The following PTPRD variants were observed in gnomAD, a reference collection of about 807,000 sequenced individuals.
The protein encoded by PTPRD is protein tyrosine phosphatase receptor type D.
Under a neutral mutation model 214.5 loss-of-function variants are expected in PTPRD, and 34 were observed. The ratio of observed to expected loss-of-function variants is 0.16; its 90% confidence interval spans 0.12 to 0.21. The LOEUF (loss-of-function observed/expected upper bound fraction) is 0.21, where lower values mean the gene tolerates loss of function less well. Ranked by LOEUF, PTPRD falls within the 10% of genes least tolerant of loss-of-function variation. PTPRD has a pLI of 1.00. For synonymous variants in PTPRD, 1,128 were observed against 845.7 expected (o/e 1.33, Z -5.79); for missense variants, 2,545 against 2,398.7 (o/e 1.06, Z -1.27).
chr9:9,406,041 G>A (rs939130519), intron 8 of PTPRD, among the ~76,000 whole-genome samples: 1 of 151,886 alleles, frequency 6.6e-6, no homozygotes, highest in African/African-American at 2.4e-5. Flanking sequence ...CTTTGGTTTG[G>A]AATATGAAGG....
At chr9:8,617,704 T>C (rs1415351320) in intron 14 of PTPRD, among the ~76,000 whole-genome samples, 2 of 152,082 alleles carry the variant, frequency 1.3e-5, no homozygotes, top group Non-Finnish European at 2.9e-5. Context: ...AGTCTAAAAA[T>C]CCTTAAAATG....
intron 5 of PTPRD, among the ~76,000 whole-genome samples, chr9:9,803,978 G>C (rs2099057832): frequency 6.6e-6 from 1 of 151,914 alleles, no homozygotes; most frequent in South Asian, 2.1e-4. Flanking sequence ...TCTCTTACTG[G>C]AGCAATGGAA....
chr9:8,520,330 A>G (rs1162582638), intron 20 of PTPRD, among the ~76,000 whole-genome samples: 1 of 152,140 alleles, frequency 6.6e-6, no homozygotes. Context: ...TTAGTTTTAT[A>G]TAGCATATAT....
At chr9:10,470,101 C>T (rs2099020653) in intron 2 of PTPRD, among the ~76,000 whole-genome samples, 1 of 151,958 alleles carries the variant, frequency 6.6e-6, no homozygotes, top group Admixed American at 6.6e-5. Context: ...TTGTATATTT[C>T]AGTAACTAGA....
intron 9 of PTPRD, among the ~76,000 whole-genome samples, chr9:9,301,295 T>C (rs1268833196): frequency 2.0e-5 from 3 of 151,912 alleles, no homozygotes; most frequent in East Asian, 1.9e-4. Flanking sequence ...ATGCTATTTT[T>C]AGCCAGAGAC....
At chr9:8,931,896 G>A (rs1464173498) in intron 11 of PTPRD, among the ~76,000 whole-genome samples, 1 of 152,022 alleles carries the variant, frequency 6.6e-6, no homozygotes, top group Non-Finnish European at 1.5e-5. Context: ...GCCTTGAGAG[G>A]TTGTATGTGT....
At chr9:8,998,465 A>C (rs1457166061) in intron 11 of PTPRD, among the ~76,000 whole-genome samples, 1 of 152,006 alleles carries the variant, frequency 6.6e-6, no homozygotes, top group Admixed American at 6.6e-5. Flanking sequence ...TGAATATTTT[A>C]AGCCCATTGT....
At chr9:8,610,247 G>A (rs1564699697) in intron 14 of PTPRD, among the ~76,000 whole-genome samples, 2 of 152,100 alleles carry the variant, frequency 1.3e-5, no homozygotes, top group African/African-American at 4.8e-5. Context: ...GGATTGCTGT[G>A]AAAAGTAAAA....
intron 7 of PTPRD, among the ~76,000 whole-genome samples, chr9:9,657,093 C>T (rs2096533484): frequency 6.6e-6 from 1 of 152,028 alleles, no homozygotes; most frequent in South Asian, 2.1e-4. Context: ...AGCAGAGAGT[C>T]TCACACACAA....
chr9:8,620,238 A>G (rs1415724), intron 14 of PTPRD, among the ~76,000 whole-genome samples: 43,202 of 151,860 alleles, frequency 0.28, 6,582 homozygotes, highest in African/African-American at 0.39. Context: ...GTTCTGTATC[A>G]TTTGCTCATT....
chr9:9,109,556 AT>A (rs1416282557), intron 10 of PTPRD, among the ~76,000 whole-genome samples: 1 of 152,148 alleles, frequency 6.6e-6, no homozygotes, highest in African/African-American at 2.4e-5. Context: ...GGCCATCAAT[AT>A]AATTGTTAAT....
At chr9:9,344,498 A>G (rs1174701988) in intron 9 of PTPRD, among the ~76,000 whole-genome samples, 3 of 152,070 alleles carry the variant, frequency 2.0e-5, no homozygotes, top group African/African-American at 7.2e-5. Flanking sequence ...GTAAAATAAA[A>G]GTAAAAATTA....
rs771067182 is a variant in PTPRD, at chr9:8,486,310, A to T, written c.2507T>A (p.Met836Lys). The T allele has an allele frequency of 6.2e-7, 1 of 1,614,206 alleles. No homozygotes were observed. Among genetic ancestry groups the T allele is most frequent in the Non-Finnish European group, 8.5e-7 (1 of 1,180,022 alleles). ...KPRLVINHTQ[M>K]NTALIQWHPP... Reference sequence around the variant, plus strand: ...GTGCCACTGAATAAGAGCAGTATTCATCTGAGTGTGGTTAATCACAAGCCG... The same window carrying T: ...GTGCCACTGAATAAGAGCAGTATTCTTCTGAGTGTGGTTAATCACAAGCCG... The change falls in exon 28 of 46, where the codon ATG becomes AAG. Residue 836 changes from methionine (M) to lysine (K), a missense_variant. By Grantham distance (95) the Met-to-Lys change is moderately conservative (BLOSUM62 -1). Transcript: ENST00000381196.
intron 2 of PTPRD, among the ~76,000 whole-genome samples, chr9:10,414,204 T>G (rs7021239): frequency 6.6e-6 from 1 of 151,918 alleles, no homozygotes; most frequent in African/African-American, 2.4e-5. Context: ...GCAAACTACG[T>G]GTCTGACAAA....
chr9:10,047,312 CTGTG>C (rs56257525), intron 3 of PTPRD, among the ~76,000 whole-genome samples: 179 of 138,628 alleles, frequency 1.3e-3, no homozygotes, highest in South Asian at 3.7e-3. Context: ...AATCAACTAA[CTGTG>C]TGTGTGTGTG....
At chr9:9,387,359 T>C (rs1380130886) in intron 9 of PTPRD, among the ~76,000 whole-genome samples, 1 of 151,898 alleles carries the variant, frequency 6.6e-6, no homozygotes, top group Non-Finnish European at 1.5e-5. Flanking sequence ...GTGAATGTTA[T>C]TTTTTTTCTT....
chr9:9,590,089 C>A lies in PTPRD; in HGVS notation c.-286-15308G>T, dbSNP rs1415419910. 3.3e-5 allele frequency among the ~76,000 whole-genome samples: 5 copies of A among 152,024 alleles called. No individual in the cohort carries two copies. In the East Asian group the frequency reaches 9.7e-4, roughly 30 times the overall value. On this transcript the variant is annotated intron_variant, in intron 7 of 45. Transcript: ENST00000381196. ...ACATTTATAATAAAACATATAATGT[C>A]AATAAAAATACAAGCCAGTTGGCTA... is the stretch of plus-strand genomic sequence containing the variant.
At chr9:8,734,479 T>C (rs994759873) in intron 11 of PTPRD, among the ~76,000 whole-genome samples, 1 of 152,226 alleles carries the variant, frequency 6.6e-6, no homozygotes, top group Non-Finnish European at 1.5e-5. Context: ...ACTAGCATAT[T>C]TGGCTTCTTC....
At chr9:10,139,624 T>C (rs923621470) in intron 3 of PTPRD, among the ~76,000 whole-genome samples, 1 of 151,936 alleles carries the variant, frequency 6.6e-6, no homozygotes, top group African/African-American at 2.4e-5. Flanking sequence ...AGATATGTTA[T>C]CCTACTTCAA....
Sources: gnomAD v4.1 joint callset for allele counts (sites outside exome capture counted in the v4.1 genomes callset) on GRCh38, gnomAD v4.1.1 for gene constraint, MANE v1.5 for transcripts, NCBI Gene and HGNC (gene_info 2026-07-23, HGNC 2026-07-21) for gene names.